The following GPD2 variants were observed in gnomAD, a reference collection of about 807,000 sequenced individuals.
The protein encoded by GPD2 is glycerol-3-phosphate dehydrogenase 2, also known as glycerol-3-phosphate dehydrogenase, mitochondrial.
In GPD2, 54 loss-of-function variants were observed where a neutral mutation model predicts 82.4. The observed-to-expected ratio is 0.66, with a 90% CI of 0.53 to 0.82. The LOEUF is 0.82. GPD2 is among the 40% of genes least tolerant of loss of function. The pLI is 0.00. For synonymous variants in GPD2, 288 were observed against 306.1 expected (o/e 0.94, Z 0.62); for missense variants, 748 against 896.2 (o/e 0.83, Z 2.11).
intron 6 of GPD2, among the ~76,000 whole-genome samples, chr2:156,520,560 G>GTTATTTATTTATTTAT (rs148048031): frequency 1.1e-4 from 16 of 144,020 alleles, no homozygotes; most frequent in African/African-American, 3.8e-4. Flanking sequence ...TATTTTTATT[G>GTTATTTATTTATTTAT]TTATTTATTT....
intron 9 of GPD2, among the ~76,000 whole-genome samples, chr2:156,561,040 C>CTTTTTTTTTT (rs35948070): frequency 0.033 from 920 of 27,620 alleles, 311 homozygotes; most frequent in African/African-American, 0.047. Context: ...TGACATTAAG[C>CTTTTTTTTTT]TTTTTTTTTT....
rs532475323 is a variant in GPD2, at chr2:156,550,687, C to T, written c.912C>T (p.Asp304=). The change falls in exon 8 of 17, where the codon GAC becomes GAT. Residue 304 remains aspartate, a synonymous_variant. Transcript: ENST00000438166. The part of the protein sequence containing the change: ...TDSVRKMDDK[D]AAAICQPSAG... ...CTGTGCGCAAAATGGATGATAAAGA[C>T]GCAGCAGCTATCTGCCAGCCAAGTG... is the stretch of plus-strand genomic sequence containing the variant. 6.8e-6 allele frequency: 11 copies of T among 1,613,468 alleles called. No homozygotes were observed. The highest frequency in any genetic ancestry group is 2.2e-5 in the East Asian group (1 of 44,860).
chr2:156,468,888 C>T lies in GPD2; in HGVS notation c.-8-7210C>T, dbSNP rs186474825. Among the ~76,000 whole-genome samples, 512 of 152,234 alleles carry T rather than the reference C, an allele frequency of 3.4e-3. 6 individuals carry two copies. The highest frequency in any genetic ancestry group is 6.8e-3 in the Middle Eastern group (2 of 294). ...ATGTACAGTAAGTTATTGTTGACTG[C>T]AGTCACCCTGTTCTATCAACTTCCA... On this transcript the variant is annotated intron_variant, in intron 1 of 16. Coordinates refer to ENST00000438166, the MANE Select transcript of GPD2 (RefSeq NM_000408.5).
intron 16 of GPD2, 124 bp downstream of exon 16, chr2:156,579,912 A>G (rs1687968749): frequency 1.4e-6 from 1 of 707,748 alleles, no homozygotes. Context: ...GAAGAAGAAG[A>G]AAGCTCGAAG....
chr2:156,486,886 T>A (rs1256877940), intron 2 of GPD2, among the ~76,000 whole-genome samples: 1 of 152,208 alleles, frequency 6.6e-6, no homozygotes, highest in Non-Finnish European at 1.5e-5. Context: ...GCCATCTAGA[T>A]TATAAAGCTT....
the GPD2 span, among the ~76,000 whole-genome samples, chr2:156,418,838 G>A: frequency 6.6e-6 from 1 of 152,082 alleles, no homozygotes; most frequent in South Asian, 2.1e-4. Context: ...ATTGTCTTGT[G>A]AAAGTTTCTG....
chr2:156,538,918 C>T (rs894450865), intron 6 of GPD2, among the ~76,000 whole-genome samples: 1 of 150,872 alleles, frequency 6.6e-6, no homozygotes, highest in Non-Finnish European at 1.5e-5. Flanking sequence ...AAAACAATAT[C>T]TGTTAAAGAT....
intron 1 of GPD2, among the ~76,000 whole-genome samples, chr2:156,447,221 C>T (rs1344686123): frequency 2.6e-5 from 4 of 152,210 alleles, no homozygotes; most frequent in African/African-American, 9.6e-5. Context: ...TCTCTTTCTC[C>T]TTTCCTTCAA....
At chr2:156,406,909 T>G in the GPD2 span, among the ~76,000 whole-genome samples, 33 of 151,946 alleles carry the variant, frequency 2.2e-4, no homozygotes, top group Non-Finnish European at 4.3e-4. Flanking sequence ...TATGAGAGAG[T>G]ATTCATTGAA....
At chr2:156,567,976 C>G (rs547122828) in intron 9 of GPD2, among the ~76,000 whole-genome samples, 1 of 152,098 alleles carries the variant, frequency 6.6e-6, no homozygotes, top group East Asian at 1.9e-4. Context: ...TATAATGTAC[C>G]TACTGGGAGA....
At chr2:156,511,679 G>A (rs569919462) in intron 4 of GPD2, among the ~76,000 whole-genome samples, 2 of 152,296 alleles carry the variant, frequency 1.3e-5, no homozygotes, top group South Asian at 4.1e-4. Context: ...CAAAATCTAT[G>A]AGTCTGTTAT....
At chr2:156,512,111 A>C in intron 4 of GPD2, 109 bp from the exon 5 acceptor site, 2 of 739,122 alleles carry the variant, frequency 2.7e-6, no homozygotes, top group Admixed American at 1.8e-5. Context: ...ATCCTCACTC[A>C]GAGATAGAAG....
intron 1 of GPD2, among the ~76,000 whole-genome samples, chr2:156,465,373 T>C (rs1038337684): frequency 1.3e-5 from 2 of 150,132 alleles, no homozygotes; most frequent in African/African-American, 4.9e-5. Flanking sequence ...TTTTTTTTTT[T>C]TTTTTTGAGA....
chr2:156,455,309 T>C (rs1320870514), intron 1 of GPD2, among the ~76,000 whole-genome samples: 1 of 152,208 alleles, frequency 6.6e-6, no homozygotes, highest in Non-Finnish European at 1.5e-5. Context: ...TCAACCATGG[T>C]TCTATCTAAT....
Position 156,513,354 on chromosome 2 carries a change from C to T in GPD2, c.519C>T (p.Tyr173=), listed in dbSNP as rs1247930402. The T allele has an allele frequency of 3.1e-6, 5 of 1,611,320 alleles. No homozygotes were observed. Among genetic ancestry groups the T allele is most frequent in the Admixed American group, 1.7e-5 (1 of 59,980 alleles). ...PVYKWWQLPY[Y]WVGIKLYDLV... ...GTAGGTGGTGGCAGTTACCTTACTA[C>T]TGGGTAGGAATCAAGCTGTATGATT... The change falls in exon 6 of 17, where the codon TAC becomes TAT. Residue 173 remains tyrosine, a synonymous_variant. Transcript: ENST00000438166.
chr2:156,415,010 G>A, the GPD2 span, among the ~76,000 whole-genome samples: 1 of 151,914 alleles, frequency 6.6e-6, no homozygotes, highest in Non-Finnish European at 1.5e-5. Flanking sequence ...TAGGTTATTG[G>A]GGTTACGTAA....
chr2:156,569,475 G>A lies in GPD2; in HGVS notation c.1413G>A (p.Gly471=), dbSNP rs1200353728. ...GAACAGTTGGGCTTTTCCTTCAAGG[G>A]GGTAAAGATTGGAGCCCCACACTCT... The part of the protein sequence containing the change: ...PSRTVGLFLQ[G]GKDWSPTLYI... Residue 471 remains glycine (G), a synonymous_variant, in exon 11 of 17, where the codon GGG becomes GGA. Transcript: ENST00000438166. 1.2e-6 allele frequency: 2 copies of A among 1,612,890 alleles called. No individual in the cohort carries two copies. The highest frequency in any genetic ancestry group is 1.3e-5 in the African/African-American group (1 of 74,932).
intron 6 of GPD2, among the ~76,000 whole-genome samples, chr2:156,515,701 A>G (rs1685175025): frequency 6.6e-6 from 1 of 152,232 alleles, no homozygotes; most frequent in African/African-American, 2.4e-5. Flanking sequence ...ATATTTTCAA[A>G]TTGCTCTTTG....
At chr2:156,480,437 C>CT (rs1403094863) in intron 2 of GPD2, among the ~76,000 whole-genome samples, 194 of 149,350 alleles carry the variant, frequency 1.3e-3, no homozygotes, top group Non-Finnish European at 2.1e-3. Flanking sequence ...CTGTTTAACA[C>CT]TTTTTTTTTT....
Sources: allele counts gnomAD v4.1 joint callset (sites outside exome capture counted in the v4.1 genomes callset), GRCh38; gene constraint gnomAD v4.1.1; transcripts MANE v1.5; gene names NCBI Gene and HGNC (gene_info 2026-07-23, HGNC 2026-07-21).